The following PVT1 variants were observed in gnomAD, a reference collection of about 807,000 sequenced individuals.
The protein encoded by PVT1 is CXCR4/PVT1 fusion.
chr8:127,939,090 G>A (rs948619660), intron 3 of PVT1, among the ~76,000 whole-genome samples: 2 of 152,212 alleles, frequency 1.3e-5, no homozygotes, highest in East Asian at 1.9e-4. Context: ...TCTTGCTTCC[G>A]CTTTCTCTAG....
intron 4 of PVT1, among the ~76,000 whole-genome samples, chr8:128,069,879 A>G (rs1813961222): frequency 6.6e-6 from 1 of 151,878 alleles, no homozygotes; most frequent in Non-Finnish European, 1.5e-5. Flanking sequence ...CATTGTCATT[A>G]TTATCATCAT....
At chr8:128,056,953 A>C (rs1241009169) in intron 4 of PVT1, among the ~76,000 whole-genome samples, 1 of 152,128 alleles carries the variant, frequency 6.6e-6, no homozygotes, top group African/African-American at 2.4e-5. Context: ...CCATGATCTC[A>C]GAGGAGTGCA....
rs562004324 is a variant in PVT1 at position 127,947,745 on chromosome 8, C to T, written n.783-41417C>T. 444 of 456,460 alleles carry T rather than the reference C, an allele frequency of 9.7e-4. 10 individuals carry two copies. The highest frequency in any genetic ancestry group is 6.7e-3 in the South Asian group (434 of 64,562). 28.3% of individuals were successfully genotyped at this position (456,460 alleles called of 1,614,324 possible). ...TGTGAATGGAAGACTGAAGAAAAGG[C>T]GATGATCACAGTCCAGGGACAAGGT... is the stretch of plus-strand genomic sequence containing the variant. On this transcript the variant is annotated intron_variant and non_coding_transcript_variant, in intron 3 of 10. Coordinates refer to ENST00000651587, the Ensembl canonical transcript of PVT1.
chr8:127,980,239 T>G (rs1816867970), intron 3 of PVT1, among the ~76,000 whole-genome samples: 1 of 152,074 alleles, frequency 6.6e-6, no homozygotes, highest in South Asian at 2.1e-4. Context: ...AAGCACACAG[T>G]ATTGGGGGGA....
chr8:128,030,128 T>TA (rs1813371825), intron 4 of PVT1, among the ~76,000 whole-genome samples: 1 of 152,012 alleles, frequency 6.6e-6, no homozygotes. Context: ...AAAGAAAAAT[T>TA]AAAAAAACCT....
intron 3 of PVT1, among the ~76,000 whole-genome samples, chr8:127,903,054 C>G (rs1319867466): frequency 6.6e-6 from 1 of 152,220 alleles, no homozygotes. Context: ...TTCCCACCAA[C>G]AGTGTGTCAG....
chr8:127,897,256 T>G (rs1350916509), intron 3 of PVT1, among the ~76,000 whole-genome samples: 1 of 152,196 alleles, frequency 6.6e-6, no homozygotes, highest in Non-Finnish European at 1.5e-5. Flanking sequence ...TCTGGATATC[T>G]GGGCCAGGTG....
At chr8:128,079,663 C>G (rs993982279) in intron 5 of PVT1, among the ~76,000 whole-genome samples, 2 of 152,192 alleles carry the variant, frequency 1.3e-5, no homozygotes, top group Non-Finnish European at 2.9e-5. Context: ...ACCCACTAAT[C>G]TCCATAGTTT....
chr8:127,795,339 G>T (rs898800624), intron 1 of PVT1, among the ~76,000 whole-genome samples: 65 of 152,294 alleles, frequency 4.3e-4, no homozygotes, highest in African/African-American at 1.5e-3. Flanking sequence ...GCCAGTGTTT[G>T]TGGTTCTGGG....
chr8:127,886,621 A>AT (rs35641991), intron 2 of PVT1, among the ~76,000 whole-genome samples: 5 of 149,980 alleles, frequency 3.3e-5, no homozygotes, highest in East Asian at 1.9e-4. Flanking sequence ...ATTGTTTCAG[A>AT]TTTTTTTTTT....
intron 3 of PVT1, among the ~76,000 whole-genome samples, chr8:127,895,491 A>T (rs1323413083): frequency 1.3e-5 from 2 of 152,168 alleles, no homozygotes; most frequent in Non-Finnish European, 1.5e-5. Context: ...AAATAAATAA[A>T]TAAAAGATAA....
At chr8:127,999,523 G>T (rs1344202411) in intron 4 of PVT1, among the ~76,000 whole-genome samples, 2 of 151,256 alleles carry the variant, frequency 1.3e-5, no homozygotes, top group Non-Finnish European at 2.9e-5. Context: ...GTGCAGTGGT[G>T]TGATCTCGTC....
intron 2 of PVT1, among the ~76,000 whole-genome samples, chr8:127,818,472 A>T (rs1230042474): frequency 6.6e-6 from 1 of 152,206 alleles, no homozygotes; most frequent in Non-Finnish European, 1.5e-5. Context: ...GACCCGGTTC[A>T]TCAGCAGGAT....
In PVT1 at chr8:127,813,144, CAA is replaced by C. The variant is rs1039689955; in HGVS notation, n.372+17080_372+17081del. 1.9e-3 allele frequency among the ~76,000 whole-genome samples: 263 copies of C among 139,356 alleles called. 1 individual carries two copies. In the Middle Eastern group the frequency reaches 0.021, roughly 11 times the overall value. The allele number at this position is 139,356 out of a possible 152,430, so 91.4% of individuals were successfully genotyped here. A position where few individuals can be genotyped will look rare whatever the true frequency, so the allele number is the denominator to read the frequency against. ...GTGAATCAATTTTGAGACTCTGTCT[CAA>C]AAAAAATATATGTATATAATATATA... On this transcript the variant is annotated intron_variant and non_coding_transcript_variant, in intron 2 of 10. Coordinates refer to ENST00000651587, the Ensembl canonical transcript of PVT1.
intron 2 of PVT1, chr8:127,852,079 C>T (rs1261203414): frequency 2.6e-5 from 4 of 152,220 alleles, no homozygotes; most frequent in Admixed American, 2.6e-4. Flanking sequence ...CATACCCAGG[C>T]TCAGCAGCAG....
chr8:127,951,676 A>G (rs1305525879), intron 3 of PVT1, among the ~76,000 whole-genome samples: 1 of 152,196 alleles, frequency 6.6e-6, no homozygotes, highest in Non-Finnish European at 1.5e-5. Context: ...CTGTCCTTCA[A>G]GGGAAGAACT....
At chr8:127,967,977 G>A (rs74687771) in intron 3 of PVT1, among the ~76,000 whole-genome samples, 2,839 of 151,342 alleles carry the variant, frequency 0.019, 85 homozygotes, top group African/African-American at 0.067. Flanking sequence ...CTCCGGAAAC[G>A]TATGACTTTG....
chr8:127,936,729 G>C (rs1396540082), intron 3 of PVT1, among the ~76,000 whole-genome samples: 1 of 152,200 alleles, frequency 6.6e-6, no homozygotes, highest in Non-Finnish European at 1.5e-5. Context: ...GGGGTTGCTT[G>C]AGGGTGCCTT....
intron 4 of PVT1, among the ~76,000 whole-genome samples, chr8:128,041,026 T>C (rs1170873199): frequency 1.1e-5 from 1 of 88,694 alleles, no homozygotes; most frequent in African/African-American, 3.6e-5. Context: ...TGCTTTGTGC[T>C]CGTGTGTGTT....
Sources: gnomAD v4.1 joint callset for allele counts (sites outside exome capture counted in the v4.1 genomes callset) on GRCh38, gnomAD v4.1.1 for gene constraint, MANE v1.5 for transcripts, NCBI Gene and HGNC (gene_info 2026-07-23, HGNC 2026-07-21) for gene names.